The following CSMD1 variants were observed in gnomAD, a reference collection of about 807,000 sequenced individuals.
CSMD1 encodes the protein CUB and Sushi multiple domains 1, also known as CUB and sushi domain-containing protein 1.
Under a neutral mutation model 417.5 loss-of-function variants are expected in CSMD1, and 213 were observed. The observed-to-expected ratio is 0.51, with a 90% confidence interval of 0.46 to 0.57. CSMD1 has a LOEUF of 0.57. Among genes scored for constraint, CSMD1 ranks in the 20% least tolerant of loss-of-function variants. The pLI, the probability that CSMD1 is intolerant of heterozygous loss-of-function variation, is 0.00. For synonymous variants in CSMD1, 2,862 were observed against 1,736.8 expected (o/e 1.65, Z -16.11); for missense variants, 6,923 against 4,529.7 (o/e 1.53, Z -15.17).
intron 25 of CSMD1, among the ~76,000 whole-genome samples, chr8:3,302,412 G>T (rs188633852): frequency 1.3e-5 from 2 of 152,026 alleles, no homozygotes; most frequent in Non-Finnish European, 2.9e-5. Context: ...AGGTCTCTCC[G>T]CACAGCAGTG....
At chr8:4,754,027 T>C (rs567921493) in intron 1 of CSMD1, among the ~76,000 whole-genome samples, 9 of 152,274 alleles carry the variant, frequency 5.9e-5, no homozygotes, top group African/African-American at 1.2e-4. Flanking sequence ...GCTTTGAAGG[T>C]TGTTAACATT....
chr8:4,396,805 A>T (rs909051728), intron 3 of CSMD1, among the ~76,000 whole-genome samples: 1 of 152,104 alleles, frequency 6.6e-6, no homozygotes. Flanking sequence ...GTATGTTCTC[A>T]CTTATAAGAA....
At chr8:4,234,785 C>T (rs139641293) in intron 3 of CSMD1, among the ~76,000 whole-genome samples, 234 of 152,146 alleles carry the variant, frequency 1.5e-3, no homozygotes, top group Admixed American at 2.6e-3. Context: ...CTAACTTGCC[C>T]CCAGATAATC....
intron 4 of CSMD1, among the ~76,000 whole-genome samples, chr8:4,017,253 G>A (rs761561121): frequency 6.6e-6 from 1 of 151,844 alleles, no homozygotes; most frequent in African/African-American, 2.4e-5. Context: ...ACAATTCAAG[G>A]CTATGCAATT....
chr8:3,669,797 T>C (rs920056574), intron 7 of CSMD1, among the ~76,000 whole-genome samples: 1 of 152,114 alleles, frequency 6.6e-6, no homozygotes, highest in African/African-American at 2.4e-5. Flanking sequence ...GGGATCCACG[T>C]GCAGCCCTAA....
At chr8:3,560,045 G>A (rs959995247) in intron 10 of CSMD1, among the ~76,000 whole-genome samples, 2 of 152,120 alleles carry the variant, frequency 1.3e-5, no homozygotes, top group African/African-American at 4.8e-5. Context: ...TTTGGTGAAT[G>A]AGAGACAATT....
chr8:4,605,824 T>C (rs1585319917), intron 2 of CSMD1, among the ~76,000 whole-genome samples: 1 of 152,178 alleles, frequency 6.6e-6, no homozygotes, highest in African/African-American at 2.4e-5. Context: ...AACTTGATGG[T>C]GGACAAGGGT....
intron 5 of CSMD1, among the ~76,000 whole-genome samples, chr8:3,904,129 A>G (rs1320448370): frequency 6.6e-6 from 1 of 152,156 alleles, no homozygotes; most frequent in Non-Finnish European, 1.5e-5. Flanking sequence ...TCGGCCTTGT[A>G]ATTATATTTG....
At chr8:3,686,571 C>T (rs936912375) in intron 7 of CSMD1, among the ~76,000 whole-genome samples, 1 of 152,190 alleles carries the variant, frequency 6.6e-6, no homozygotes, top group Non-Finnish European at 1.5e-5. Context: ...AATATACTGT[C>T]TTGATACCAA....
At chr8:4,811,217 G>A (rs1001370422) in intron 1 of CSMD1, among the ~76,000 whole-genome samples, 13 of 152,096 alleles carry the variant, frequency 8.5e-5, no homozygotes, top group African/African-American at 3.1e-4. Flanking sequence ...GAATCACGAG[G>A]TTCAACAAGA....
At chr8:4,114,579 C>T (rs1164787802) in intron 3 of CSMD1, among the ~76,000 whole-genome samples, 1 of 150,190 alleles carries the variant, frequency 6.7e-6, no homozygotes, top group African/African-American at 2.5e-5. Context: ...AAGTCTATAG[C>T]TTTCATAGGT....
chr8:3,813,270 C>G (rs983780168), intron 5 of CSMD1, among the ~76,000 whole-genome samples: 1 of 151,890 alleles, frequency 6.6e-6, no homozygotes, highest in East Asian at 1.9e-4. Context: ...AAATTGCTAT[C>G]CATGCAAATA....
At chr8:4,306,417 TATC>T (rs1284928690) in intron 3 of CSMD1, among the ~76,000 whole-genome samples, 6 of 151,746 alleles carry the variant, frequency 4.0e-5, no homozygotes, top group African/African-American at 7.2e-5. Context: ...AAAAATACAG[TATC>T]ATCGTGAAAG....
intron 7 of CSMD1, among the ~76,000 whole-genome samples, chr8:3,642,302 A>T (rs773091705): frequency 6.6e-6 from 1 of 152,198 alleles, no homozygotes; most frequent in Non-Finnish European, 1.5e-5. Flanking sequence ...AAGAGATCAG[A>T]AAGAGTGAAA....
intron 12 of CSMD1, among the ~76,000 whole-genome samples, chr8:3,467,313 G>T (rs1244331076): frequency 1.3e-5 from 2 of 152,188 alleles, no homozygotes; most frequent in Non-Finnish European, 2.9e-5. Flanking sequence ...AATTTGCCCT[G>T]TTGGGAAGTG....
chr8:3,212,633 T>C (rs779975930), intron 30 of CSMD1, among the ~76,000 whole-genome samples: 38 of 152,054 alleles, frequency 2.5e-4, no homozygotes, highest in Non-Finnish European at 5.1e-4. Context: ...GGATTACAGG[T>C]GTGAGCCACT....
intron 33 of CSMD1, among the ~76,000 whole-genome samples, chr8:3,197,169 C>T (rs1346707961): frequency 6.6e-6 from 1 of 152,212 alleles, no homozygotes; most frequent in Non-Finnish European, 1.5e-5. Context: ...CTTCACATTA[C>T]TAACCAGGAT....
At chr8:3,496,075 T>C (rs1796351951) in intron 10 of CSMD1, among the ~76,000 whole-genome samples, 1 of 152,150 alleles carries the variant, frequency 6.6e-6, no homozygotes, top group Non-Finnish European at 1.5e-5. Flanking sequence ...GTTCCCGAAA[T>C]AGGCTCCGAT....
intron 1 of CSMD1, among the ~76,000 whole-genome samples, chr8:4,894,113 A>G (rs1230978763): frequency 6.6e-6 from 1 of 152,060 alleles, no homozygotes; most frequent in African/African-American, 2.4e-5. Flanking sequence ...AGGCCTGCGC[A>G]CTGTATCCCA....
Sources: allele counts gnomAD v4.1 joint callset (sites outside exome capture counted in the v4.1 genomes callset), GRCh38; gene constraint gnomAD v4.1.1; transcripts MANE v1.5; gene names NCBI Gene and HGNC (gene_info 2026-07-23, HGNC 2026-07-21).